The following DOCK1 variants were observed in gnomAD, a reference collection of about 807,000 sequenced individuals.
DOCK1 encodes dedicator of cytokinesis 1, also known as dedicator of cytokinesis protein 1.
DOCK1 carries 138 observed loss-of-function variants against 262.7 expected under a neutral mutation model. The ratio of observed to expected loss-of-function variants is 0.53; its 90% confidence interval spans 0.46 to 0.61. The LOEUF (loss-of-function observed/expected upper bound fraction) is 0.61. DOCK1 is among the 20% of genes least tolerant of loss of function. DOCK1 has a pLI of 0.00. For synonymous variants in DOCK1, 866 were observed against 867.4 expected, an observed-to-expected ratio of 1.00 and a Z score of 0.03; for missense variants, 1,908 against 2,370.7, an observed-to-expected ratio of 0.80 and a Z score of 4.05.
chr10:127,447,568 A>G (rs2134836434), intron 51 of DOCK1, 23 bp downstream of exon 51: 1 of 1,611,722 alleles, frequency 6.2e-7, no homozygotes, highest in South Asian at 1.1e-5. Context: ...TCTGAAACAC[A>G]GGCTTTCATT....
At chr10:127,057,566 C>T (rs1470481919) in intron 22 of DOCK1, among the ~76,000 whole-genome samples, 1 of 152,198 alleles carries the variant, frequency 6.6e-6, no homozygotes, top group Non-Finnish European at 1.5e-5. Context: ...GGCCCAAAGA[C>T]ATTTGGTTCC....
At chr10:127,319,375 ATC>A (rs1051146249) in intron 29 of DOCK1, among the ~76,000 whole-genome samples, 1 of 152,250 alleles carries the variant, frequency 6.6e-6, no homozygotes, top group Non-Finnish European at 1.5e-5. Flanking sequence ...ATATATTTTA[ATC>A]TCTGCAATAC....
intron 38 of DOCK1, among the ~76,000 whole-genome samples, chr10:127,401,974 A>G (rs1224988298): frequency 2.0e-5 from 3 of 152,178 alleles, no homozygotes; most frequent in Non-Finnish European, 4.4e-5. Flanking sequence ...GGTGGTTCCA[A>G]AGCTGCGTGG....
At chr10:127,419,568 A>T in intron 45 of DOCK1, 98 bp from the exon 46 acceptor site, 1 of 1,166,186 alleles carries the variant, frequency 8.6e-7, no homozygotes. Flanking sequence ...GATCTGTTTT[A>T]TGCACAGCTC....
rs1252964480 is a variant in DOCK1 at position 127,381,311 on chromosome 10, G to A, written c.3750G>A (p.Glu1250=). The change falls in exon 37 of 52, where the codon GAG becomes GAA. Residue 1250 remains glutamate, a synonymous_variant. Coordinates refer to ENST00000623213, the MANE Select transcript of DOCK1 (RefSeq NM_001290223.2). ...ACAAGCTCTGTGACCTGCACAAGGA[G>A]TGTGATAACTACACCGAAGCGGCTT... ...YLYKLCDLHK[E]CDNYTEAAYT... is the part of the protein sequence containing the mutation. 2 of 1,613,028 alleles carry A rather than the reference G, an allele frequency of 1.2e-6. No homozygotes were observed. The highest frequency in any genetic ancestry group is 1.7e-6 in the Non-Finnish European group (2 of 1,179,272).
chr10:127,450,502 G>GTTTATTCACTCATTCA (rs528867796), intron 51 of DOCK1, among the ~76,000 whole-genome samples: 3 of 151,998 alleles, frequency 2.0e-5, no homozygotes, highest in African/African-American at 4.8e-5. Flanking sequence ...CCACTGACTC[G>GTTTATTCACTCATTCA]TTTATTCACT....
At chr10:126,961,534 C>T (rs1365743868) in intron 1 of DOCK1, among the ~76,000 whole-genome samples, 1 of 152,200 alleles carries the variant, frequency 6.6e-6, no homozygotes, top group African/African-American at 2.4e-5. Context: ...TCGTTTCTTA[C>T]TTGTCTCTGA....
intron 29 of DOCK1, among the ~76,000 whole-genome samples, chr10:127,267,671 C>T (rs1385949477): frequency 6.6e-6 from 1 of 152,214 alleles, no homozygotes; most frequent in Non-Finnish European, 1.5e-5. Context: ...ATCCCGCTGG[C>T]ACTTAATGCC....
intron 51 of DOCK1, 50 bp downstream of exon 51, chr10:127,447,595 G>A: frequency 1.3e-6 from 2 of 1,598,148 alleles, no homozygotes; most frequent in Non-Finnish European, 1.7e-6. Flanking sequence ...CCTCCACAAA[G>A]TAGGACGAGT....
chr10:127,046,423 G>A (rs919192907), intron 21 of DOCK1, among the ~76,000 whole-genome samples: 2 of 152,098 alleles, frequency 1.3e-5, no homozygotes, highest in African/African-American at 4.8e-5. Flanking sequence ...GTGCCTGATC[G>A]GTGTTAGAAA....
intron 1 of DOCK1, among the ~76,000 whole-genome samples, chr10:126,950,547 A>T (rs1441893696): frequency 1.3e-5 from 2 of 152,040 alleles, no homozygotes; most frequent in African/African-American, 4.8e-5. Flanking sequence ...GTCCCTTTGA[A>T]GCAAAGGGAA....
intron 23 of DOCK1, among the ~76,000 whole-genome samples, chr10:127,085,844 G>A (rs745749164): frequency 2.0e-5 from 3 of 152,118 alleles, no homozygotes; most frequent in Non-Finnish European, 2.9e-5. Context: ...AATTATAGAA[G>A]CCATTATTAT....
At chr10:127,019,262 G>C (rs1039630348) in intron 13 of DOCK1, among the ~76,000 whole-genome samples, 1 of 152,184 alleles carries the variant, frequency 6.6e-6, no homozygotes, top group Non-Finnish European at 1.5e-5. Context: ...ATTCCTCCAT[G>C]AATTCTAAGT....
chr10:127,042,274 C>T (rs1199710521), intron 19 of DOCK1, among the ~76,000 whole-genome samples: 1 of 152,152 alleles, frequency 6.6e-6, no homozygotes, highest in Non-Finnish European at 1.5e-5. Context: ...GTCCTGTACC[C>T]AGTGTGTAGA....
At chr10:127,196,620 G>A (rs1286438224) in intron 27 of DOCK1, among the ~76,000 whole-genome samples, 5 of 146,866 alleles carry the variant, frequency 3.4e-5, no homozygotes, top group African/African-American at 7.4e-5. Flanking sequence ...GTGGGGCGGG[G>A]GCGGCGCGGG....
chr10:127,193,829 A>G (rs985610717), intron 27 of DOCK1, among the ~76,000 whole-genome samples: 7 of 152,340 alleles, frequency 4.6e-5, no homozygotes, highest in Middle Eastern at 3.4e-3. Context: ...GTGGCAAAAC[A>G]GAGAAGCCCC....
intron 29 of DOCK1, among the ~76,000 whole-genome samples, chr10:127,310,011 G>T (rs2062007569): frequency 6.6e-6 from 1 of 151,970 alleles, no homozygotes. Flanking sequence ...AAGTAGCTGG[G>T]ACTACAAGCA....
At chr10:127,240,663 A>G (rs1459150582) in intron 27 of DOCK1, among the ~76,000 whole-genome samples, 1 of 152,146 alleles carries the variant, frequency 6.6e-6, no homozygotes, top group Non-Finnish European at 1.5e-5. Context: ...ATTTTACAAC[A>G]TCGTTCTTTC....
intron 27 of DOCK1, among the ~76,000 whole-genome samples, chr10:127,219,244 C>G (rs569217435): frequency 6.6e-6 from 1 of 152,256 alleles, no homozygotes; most frequent in African/African-American, 2.4e-5. Context: ...TGAATATATT[C>G]TACACATCCC....
Sources: gnomAD v4.1 joint callset for allele counts (sites outside exome capture counted in the v4.1 genomes callset) on GRCh38, gnomAD v4.1.1 for gene constraint, MANE v1.5 for transcripts, NCBI Gene and HGNC (gene_info 2026-07-23, HGNC 2026-07-21) for gene names.